FARP1: variants seen among roughly 807,000 people sequenced by gnomAD.
FARP1 encodes FERM, ARH/RhoGEF and pleckstrin domain protein 1.
Under a neutral mutation model 128.8 loss-of-function variants are expected in FARP1, and 52 were observed. The observed-to-expected ratio is 0.40, with a 90% confidence interval of 0.32 to 0.51. FARP1 has a LOEUF of 0.51. Ranked by LOEUF, FARP1 falls within the 20% of genes least tolerant of loss-of-function variation. The probability of loss-of-function intolerance (pLI) is 0.45; values close to 1 mark genes in which losing one functional copy is unlikely to be tolerated. For missense variants in FARP1, 1,333 were observed against 1,367.9 expected (o/e 0.97, Z 0.40); for synonymous variants, 580 against 551.8 (o/e 1.05, Z -0.72).
chr13:98,303,758 T>C (rs1886017387), intron 2 of FARP1, among the ~76,000 whole-genome samples: 1 of 152,172 alleles, frequency 6.6e-6, no homozygotes, highest in Non-Finnish European at 1.5e-5. Flanking sequence ...TCGATATGTG[T>C]AACAGGAGTG....
At chr13:98,250,072 G>A (rs532473675) in intron 2 of FARP1, among the ~76,000 whole-genome samples, 2 of 152,276 alleles carry the variant, frequency 1.3e-5, no homozygotes, top group South Asian at 2.1e-4. Flanking sequence ...AAAATACATC[G>A]CTTTAAATTT....
At chr13:98,158,610 T>C (rs1355352637) in intron 1 of FARP1, among the ~76,000 whole-genome samples, 1 of 152,098 alleles carries the variant, frequency 6.6e-6, no homozygotes, top group Non-Finnish European at 1.5e-5. Flanking sequence ...CAGGTACCAT[T>C]TGAGAATAGT....
chr13:98,217,953 T>G (rs1245846113), intron 2 of FARP1, among the ~76,000 whole-genome samples: 2 of 152,034 alleles, frequency 1.3e-5, no homozygotes, highest in African/African-American at 4.8e-5. Context: ...TCTGAGTCCC[T>G]TCCTCGTGTT....
chr13:98,351,933 A>G (rs1888451115), intron 3 of FARP1, among the ~76,000 whole-genome samples: 1 of 152,242 alleles, frequency 6.6e-6, no homozygotes, highest in Non-Finnish European at 1.5e-5. Flanking sequence ...TCACATTTCA[A>G]CAAGATTTGG....
chr13:98,317,545 CT>C (rs1333812991), intron 2 of FARP1, among the ~76,000 whole-genome samples: 1 of 152,218 alleles, frequency 6.6e-6, no homozygotes, highest in East Asian at 1.9e-4. Context: ...GTCCAAGACC[CT>C]TTCCAGCTGA....
At chr13:98,412,362 G>A (rs1891225736) in intron 16 of FARP1, among the ~76,000 whole-genome samples, 1 of 152,200 alleles carries the variant, frequency 6.6e-6, no homozygotes, top group Admixed American at 6.5e-5. Flanking sequence ...AGGCTTTGAG[G>A]GGTGCTGGTA....
intron 2 of FARP1, among the ~76,000 whole-genome samples, chr13:98,268,285 T>C (rs1215722957): frequency 6.6e-6 from 1 of 152,138 alleles, no homozygotes; most frequent in Non-Finnish European, 1.5e-5. Context: ...AAGCTGAAAT[T>C]TGTGCTGTCT....
intron 12 of FARP1, among the ~76,000 whole-genome samples, chr13:98,394,016 A>G (rs552003687): frequency 4.4e-4 from 67 of 152,330 alleles, no homozygotes; most frequent in African/African-American, 1.3e-3. Flanking sequence ...CAGTGGGCAG[A>G]GCTGAGACTG....
chr13:98,210,104 A>ATAGT (rs1425208847), intron 1 of FARP1, among the ~76,000 whole-genome samples: 2 of 152,054 alleles, frequency 1.3e-5, no homozygotes, highest in Non-Finnish European at 2.9e-5. Flanking sequence ...GAAAGGGGGA[A>ATAGT]TAGTTGGTGG....
At position 98,146,698 on chromosome 13, in the gene FARP1, A is replaced by G. The variant is rs568080961; in HGVS notation, c.-24+3206A>G. Among the ~76,000 whole-genome samples the G allele has an allele frequency of 5.3e-4, 80 of 152,314 alleles. 2 individuals carry two copies. Among genetic ancestry groups the G allele is most frequent in the African/African-American group, 1.6e-3 (65 of 41,576 alleles). ...GTATAGTCCTGTAATGCAGGTGCTA[A>G]AGTCTTTCTACTTTGGAAGGACAGG... On this transcript the variant is annotated intron_variant, in intron 1 of 26. Transcript: ENST00000319562.
chr13:98,287,825 C>T (rs1222598200), intron 2 of FARP1, among the ~76,000 whole-genome samples: 2 of 119,714 alleles, frequency 1.7e-5, no homozygotes, highest in Admixed American at 1.0e-4. Context: ...TTTTTTGAGA[C>T]GTAGTCTCGC....
intron 2 of FARP1, chr13:98,245,388 T>C: frequency 1.0e-6 from 1 of 980,122 alleles, no homozygotes; most frequent in Non-Finnish European, 1.2e-6. Context: ...GAAAACAGAT[T>C]TTCAGCTCCC....
chr13:98,431,990 C>T (rs1024229567), intron 18 of FARP1: 1 of 152,180 alleles, frequency 6.6e-6, no homozygotes, highest in Non-Finnish European at 1.5e-5. Flanking sequence ...TCCTGTTGCT[C>T]ATTGCTACCG....
chr13:98,256,189 A>G (rs548222269), intron 2 of FARP1, among the ~76,000 whole-genome samples: 1 of 152,362 alleles, frequency 6.6e-6, no homozygotes, highest in East Asian at 1.9e-4. Context: ...TCATCATTCT[A>G]TACAGGTATT....
At chr13:98,217,545 T>C (rs1301154333) in intron 2 of FARP1, among the ~76,000 whole-genome samples, 1 of 152,216 alleles carries the variant, frequency 6.6e-6, no homozygotes, top group African/African-American at 2.4e-5. Context: ...GAGACTTAAG[T>C]AGCATTCATC....
intron 25 of FARP1, 68 bp downstream of exon 25, chr13:98,446,273 C>A: frequency 9.8e-7 from 1 of 1,018,356 alleles, no homozygotes; most frequent in Non-Finnish European, 1.5e-6. Flanking sequence ...GAGGGGGCCG[C>A]CCTCCTCTGG....
chr13:98,344,523 C>T (rs2139879828), intron 3 of FARP1, among the ~76,000 whole-genome samples: 1 of 152,278 alleles, frequency 6.6e-6, no homozygotes, highest in East Asian at 1.9e-4. Context: ...TCAGTGGAGA[C>T]ATCCAGCAGG....
chr13:98,352,084 T>A (rs1241898374), intron 3 of FARP1, among the ~76,000 whole-genome samples: 2 of 152,078 alleles, frequency 1.3e-5, no homozygotes, highest in East Asian at 3.9e-4. Flanking sequence ...CCCAAGGCCG[T>A]ACATAAAGAC....
At chr13:98,440,943 CCCA>C in intron 24 of FARP1, 107 bp downstream of exon 24, 1 of 1,125,516 alleles carries the variant, frequency 8.9e-7, no homozygotes, top group Admixed American at 2.4e-5. Flanking sequence ...TGTGGGTGGC[CCCA>C]CCTACCCGCG....
Sources: allele counts gnomAD v4.1 joint callset (sites outside exome capture counted in the v4.1 genomes callset), GRCh38; gene constraint gnomAD v4.1.1; transcripts MANE v1.5; gene names NCBI Gene and HGNC (gene_info 2026-07-23, HGNC 2026-07-21).